The following MCUB variants were observed in gnomAD, a reference collection of about 807,000 sequenced individuals.
MCUB encodes the protein calcium uniporter regulatory subunit MCUb, mitochondrial.
MCUB carries 46 observed loss-of-function variants against 41.4 expected under a neutral mutation model. That is an observed-to-expected ratio of 1.11 (90% CI 0.88 to 1.42). MCUB has a LOEUF of 1.42. Ranked by LOEUF, MCUB falls within the 40% of genes most tolerant of loss-of-function variation. The pLI is 0.00. For missense variants in MCUB, 403 were observed against 404.9 expected (o/e 1.00, Z 0.04); for synonymous variants, 148 against 148.2 (o/e 1.00, Z 0.01).
chr4:109,586,711 C>T (rs1180389168), intron 1 of MCUB, among the ~76,000 whole-genome samples: 3 of 152,142 alleles, frequency 2.0e-5, no homozygotes, highest in Non-Finnish European at 4.4e-5. Flanking sequence ...CAGTCAGGTC[C>T]CTCAGCTGCA....
chr4:109,603,683 T>A (rs970337419), intron 1 of MCUB, among the ~76,000 whole-genome samples: 6 of 150,880 alleles, frequency 4.0e-5, no homozygotes, highest in Admixed American at 3.9e-4. Flanking sequence ...CCACCCCGTC[T>A]GGGAACTGAG....
intron 4 of MCUB, among the ~76,000 whole-genome samples, chr4:109,679,897 G>T (rs1561251742): frequency 6.6e-6 from 1 of 152,124 alleles, no homozygotes; most frequent in African/African-American, 2.4e-5. Context: ...TGCCTTCTGG[G>T]TTCAAGCAAT....
intron 1 of MCUB, among the ~76,000 whole-genome samples, chr4:109,618,563 T>C (rs533337605): frequency 6.6e-6 from 1 of 152,352 alleles, no homozygotes; most frequent in Admixed American, 6.5e-5. Flanking sequence ...CTTTTTTGTT[T>C]ATTATGCTTC....
At chr4:109,648,184 T>C (rs1259712236) in intron 1 of MCUB, among the ~76,000 whole-genome samples, 1 of 152,014 alleles carries the variant, frequency 6.6e-6, no homozygotes, top group African/African-American at 2.4e-5. Flanking sequence ...TCCTTCGTTA[T>C]CTGCTTTCAA....
intron 1 of MCUB, among the ~76,000 whole-genome samples, chr4:109,623,351 G>A (rs1471337791): frequency 6.6e-6 from 1 of 152,180 alleles, no homozygotes; most frequent in Non-Finnish European, 1.5e-5. Flanking sequence ...CTAAAAGAGT[G>A]AATGAATGTG....
intron 1 of MCUB, among the ~76,000 whole-genome samples, chr4:109,658,788 G>A (rs1256868361): frequency 6.6e-6 from 1 of 152,152 alleles, no homozygotes; most frequent in Non-Finnish European, 1.5e-5. Context: ...TAGGGATCCC[G>A]TCCTGGTGTG....
intron 1 of MCUB, among the ~76,000 whole-genome samples, chr4:109,607,545 C>G (rs916028735): frequency 2.0e-5 from 3 of 152,226 alleles, no homozygotes; most frequent in Non-Finnish European, 1.5e-5. Flanking sequence ...TAAGAACTCT[C>G]TTTAGCATTT....
intron 1 of MCUB, among the ~76,000 whole-genome samples, chr4:109,632,416 C>T (rs2126138349): frequency 6.6e-6 from 1 of 152,154 alleles, no homozygotes; most frequent in East Asian, 1.9e-4. Flanking sequence ...TGTTGCATAA[C>T]AAATCTCTCT....
At chr4:109,619,847 C>T (rs1728216765) in intron 1 of MCUB, among the ~76,000 whole-genome samples, 1 of 152,176 alleles carries the variant, frequency 6.6e-6, no homozygotes, top group Non-Finnish European at 1.5e-5. Context: ...TCACTTTACA[C>T]AAGCCTGCTC....
rs1319660595 is a variant in MCUB at position 109,560,320 on chromosome 4, C to T, written c.-18C>T. The stretch of plus-strand genomic sequence containing the variant: ...GCGCCGCTGACGCCTGCGGGAGCCG[C>T]GCGCCTGGGGCGGGAGGATGCTCCA... On this transcript the variant is annotated 5_prime_UTR_variant, in exon 1 of 8. Transcript: ENST00000394650. 3 of 1,220,830 alleles carry T rather than the reference C, an allele frequency of 2.5e-6. No homozygotes were observed. Among genetic ancestry groups the T allele is most frequent in the Non-Finnish European group, 3.1e-6 (3 of 971,788 alleles). 75.6% of individuals were successfully genotyped at this position (1,220,830 alleles called of 1,614,324 possible). A position where few individuals can be genotyped will look rare whatever the true frequency, so the allele number is the denominator to read the frequency against.
intron 1 of MCUB, among the ~76,000 whole-genome samples, chr4:109,626,625 C>T (rs113046194): frequency 1.8e-3 from 269 of 151,776 alleles, no homozygotes; most frequent in African/African-American, 6.0e-3. Flanking sequence ...CAGGCCTGGC[C>T]GACATGGCAA....
chr4:109,687,647 A>G lies in MCUB; in HGVS notation c.*55A>G. On this transcript the variant is annotated 3_prime_UTR_variant, in exon 8 of 8. Coordinates refer to ENST00000394650, the MANE Select transcript of MCUB (RefSeq NM_017918.5). ...CCATTATGTATTGATTTTGCAACTTAGGATGTTTTTGAGTCCCATGGTTCA... is the reference window on the plus strand; with the variant it reads ...CCATTATGTATTGATTTTGCAACTTGGGATGTTTTTGAGTCCCATGGTTCA... 8.4e-7 allele frequency: 1 copy of G among 1,186,286 alleles called. No homozygotes were observed. Among genetic ancestry groups the G allele is most frequent in the Middle Eastern group, 1.9e-4 (1 of 5,146 alleles). 73.5% of individuals were successfully genotyped at this position (1,186,286 alleles called of 1,614,324 possible).
At chr4:109,625,344 A>G (rs1196622662) in intron 1 of MCUB, among the ~76,000 whole-genome samples, 1 of 152,154 alleles carries the variant, frequency 6.6e-6, no homozygotes, top group African/African-American at 2.4e-5. Context: ...TGCTTCAAAC[A>G]TTCTTCAGGC....
chr4:109,685,230 C>G, intron 6 of MCUB, 21 bp from the exon 7 acceptor site: 1 of 915,090 alleles, frequency 1.1e-6, no homozygotes, highest in Non-Finnish European at 1.7e-6. Flanking sequence ...TTGTTTTCTT[C>G]TCTCTCTCTT....
chr4:109,563,242 G>A (rs539898202), intron 1 of MCUB, among the ~76,000 whole-genome samples: 44 of 152,196 alleles, frequency 2.9e-4, no homozygotes, highest in African/African-American at 1.1e-3. Context: ...CCCCAGTACA[G>A]CATTTGAGTC....
Position 109,648,826 on chromosome 4 carries a change from G to C in MCUB, c.100-10185G>C, listed in dbSNP as rs142483661. 5.1e-3 allele frequency among the ~76,000 whole-genome samples: 765 copies of C among 150,022 alleles called. 3 individuals carry two copies. Among genetic ancestry groups the C allele is most frequent in the African/African-American group, 0.018 (724 of 40,714 alleles). ...GTAGAACTAATGAACCCAAAGACAA[G>C]CTTCAAAGCAAAACAACTATGTAAC... On this transcript the variant is annotated intron_variant, in intron 1 of 7. Coordinates refer to ENST00000394650, the MANE Select transcript of MCUB (RefSeq NM_017918.5).
intron 1 of MCUB, among the ~76,000 whole-genome samples, chr4:109,638,238 T>C (rs1449296177): frequency 2.6e-5 from 4 of 152,092 alleles, no homozygotes; most frequent in Admixed American, 2.0e-4. Context: ...ATGCCTGTAG[T>C]CCCAATTACT....
chr4:109,671,229 T>G (rs1729450698), intron 4 of MCUB, among the ~76,000 whole-genome samples: 1 of 152,286 alleles, frequency 6.6e-6, no homozygotes, highest in Non-Finnish European at 1.5e-5. Context: ...TAAAGAGAGC[T>G]TTTTTCATCT....
chr4:109,685,641 T>C (rs1468676531), intron 7 of MCUB, among the ~76,000 whole-genome samples: 1 of 152,244 alleles, frequency 6.6e-6, no homozygotes, highest in Non-Finnish European at 1.5e-5. Flanking sequence ...AATCCATTTC[T>C]AAGCAAATAA....
Sources: allele counts gnomAD v4.1 joint callset (sites outside exome capture counted in the v4.1 genomes callset), GRCh38; gene constraint gnomAD v4.1.1; transcripts MANE v1.5; gene names NCBI Gene and HGNC (gene_info 2026-07-23, HGNC 2026-07-21).